The following TMEM87B variants were observed in gnomAD, a reference collection of about 807,000 sequenced individuals.
TMEM87B encodes transmembrane protein 87B.
Under a neutral mutation model 80.3 loss-of-function variants are expected in TMEM87B, and 83 were observed. The observed-to-expected ratio is 1.03, with a 90% CI of 0.87 to 1.24. The LOEUF (loss-of-function observed/expected upper bound fraction) is 1.24. TMEM87B is among the 50% of genes most tolerant of loss of function. TMEM87B has a pLI of 0.00. For missense variants in TMEM87B, 625 were observed against 674.4 expected, an observed-to-expected ratio of 0.93 and a Z score of 0.81; for synonymous variants, 219 against 230.5, an observed-to-expected ratio of 0.95 and a Z score of 0.45.
At chr2:112,095,605 G>T in intron 11 of TMEM87B, 3 of 456,160 alleles carry the variant, frequency 6.6e-6, no homozygotes, top group Non-Finnish European at 8.7e-6. Context: ...CATTTTTAAA[G>T]TTCTCATAGT....
At chr2:112,063,656 A>T (rs1374496070) in intron 2 of TMEM87B, among the ~76,000 whole-genome samples, 1 of 152,124 alleles carries the variant, frequency 6.6e-6, no homozygotes, top group Non-Finnish European at 1.5e-5. Context: ...CCCATTCTTC[A>T]TGCTCTCCTG....
At chr2:112,091,868 T>A (rs1406749308) in intron 11 of TMEM87B, 85 bp downstream of exon 11, 25 of 1,098,062 alleles carry the variant, frequency 2.3e-5, no homozygotes, top group Middle Eastern at 2.4e-4. Flanking sequence ...TAGAAAGAAA[T>A]ACAGTTATGC....
intron 4 of TMEM87B, among the ~76,000 whole-genome samples, chr2:112,074,502 T>C (rs1461733825): frequency 6.6e-6 from 1 of 152,180 alleles, no homozygotes; most frequent in Non-Finnish European, 1.5e-5. Flanking sequence ...ACATTTTTCT[T>C]CATTTTGACC....
intron 17 of TMEM87B, among the ~76,000 whole-genome samples, chr2:112,109,225 C>T (rs1474031837): frequency 1.3e-5 from 2 of 152,100 alleles, no homozygotes; most frequent in Non-Finnish European, 2.9e-5. Flanking sequence ...CACTGTTATA[C>T]TTTTTTATTT....
In TMEM87B at chr2:112,118,231, C is replaced by T. The variant is rs549369798; in HGVS notation, c.*2088C>T. On this transcript the variant is annotated 3_prime_UTR_variant, in exon 19 of 19. Coordinates refer to ENST00000283206, the MANE Select transcript of TMEM87B (RefSeq NM_032824.3). ...TTTCTATGAAGGGTCTTCTTAGGCC[C>T]CTTACATACGCAAGAGGGGTGCTCT... 1 of 152,148 alleles carries T rather than the reference C, an allele frequency of 6.6e-6. No individual in the cohort carries two copies. Among genetic ancestry groups the T allele is most frequent in the Admixed American group, 6.5e-5 (1 of 15,274 alleles). The allele number at this position is 152,148 out of a possible 1,614,324, so 9.4% of individuals were successfully genotyped here.
intron 14 of TMEM87B, among the ~76,000 whole-genome samples, chr2:112,100,015 C>T (rs1171340790): frequency 6.6e-6 from 1 of 152,002 alleles, no homozygotes; most frequent in African/African-American, 2.4e-5. Flanking sequence ...TAAGCAGTCC[C>T]TGGTTATTAG....
chr2:112,097,199 T>C, intron 12 of TMEM87B, 34 bp from the exon 13 acceptor site: 1 of 1,603,840 alleles, frequency 6.2e-7, no homozygotes, highest in Middle Eastern at 1.7e-4. Flanking sequence ...AGTATTGTTA[T>C]ATTCCTTCAA....
rs1410397242 is a variant in TMEM87B at position 112,059,957 on chromosome 2, GTGTT to G, written c.166-14_166-11del. 7 of 1,593,300 alleles carry G rather than the reference GTGTT, an allele frequency of 4.4e-6. No individual in the cohort carries two copies. The highest frequency in any genetic ancestry group is 1.7e-4 in the Middle Eastern group (1 of 5,940). On this transcript the variant is annotated splice_polypyrimidine_tract_variant and intron_variant, in intron 1 of 18. Transcript: ENST00000283206. ...AAAAACTTTCTAACAAGATCTTCCT[GTGTT>G]TGTTTTTCATTTTAGAAATCAGGAC...
Position 112,077,236 on chromosome 2 carries a change from T to A in TMEM87B, c.546T>A (p.Ile182=). 1 of 1,599,092 alleles carries A rather than the reference T, an allele frequency of 6.3e-7. No homozygotes were observed. Among genetic ancestry groups the A allele is most frequent in the African/African-American group, 1.3e-5 (1 of 74,716 alleles). The change falls in exon 6 of 19, where the codon ATT becomes ATA. Residue 182 remains isoleucine, a synonymous_variant. Transcript: ENST00000283206. ...RTQKDGFHIF[I]VSIKTENTDA... ...AAAAAGATGGGTTTCATATCTTTAT[T>A]GTTTCTATTAAAACGGAGAATACAG... is the stretch of plus-strand genomic sequence containing the variant.
intron 4 of TMEM87B, among the ~76,000 whole-genome samples, chr2:112,070,692 T>A (rs1678596226): frequency 6.6e-6 from 1 of 152,160 alleles, no homozygotes; most frequent in Non-Finnish European, 1.5e-5. Flanking sequence ...TTTAAAATAG[T>A]TTTTTCTAGT....
intron 11 of TMEM87B, among the ~76,000 whole-genome samples, chr2:112,094,996 T>G (rs1183343809): frequency 1.3e-5 from 2 of 151,742 alleles, no homozygotes; most frequent in Non-Finnish European, 2.9e-5. Flanking sequence ...CTTCCTTTGA[T>G]TTTGATGAAC....
intron 10 of TMEM87B, among the ~76,000 whole-genome samples, chr2:112,091,468 G>A (rs1365668714): frequency 6.6e-6 from 1 of 152,150 alleles, no homozygotes; most frequent in Non-Finnish European, 1.5e-5. Context: ...GGGACACGAT[G>A]CTTTTTATTT....
At chr2:112,097,487 G>T (rs1158747086) in intron 13 of TMEM87B, among the ~76,000 whole-genome samples, 196 bp downstream of exon 13, 1 of 152,060 alleles carries the variant, frequency 6.6e-6, no homozygotes, top group African/African-American at 2.4e-5. Flanking sequence ...AGCACTCTGG[G>T]AGGCCGAGGC....
chr2:112,077,526 G>T (rs892848439), intron 6 of TMEM87B, among the ~76,000 whole-genome samples: 1 of 152,006 alleles, frequency 6.6e-6, no homozygotes, highest in African/African-American at 2.4e-5. Flanking sequence ...ACTTCATAGT[G>T]GGATATAAAA....
chr2:112,116,193 C>T lies in TMEM87B; in HGVS notation c.*50C>T, dbSNP rs868717681. On this transcript the variant is annotated 3_prime_UTR_variant, in exon 19 of 19. Transcript: ENST00000283206. ...TTAAGCCTGAAGGACTATCCTTCAT[C>T]AAGACTGAAAGTGAGCTTTGATTTG... is the stretch of plus-strand genomic sequence containing the variant. 6.7e-7 allele frequency: 1 copy of T among 1,487,702 alleles called. No homozygotes were observed. Among genetic ancestry groups the T allele is most frequent in the Non-Finnish European group, 9.3e-7 (1 of 1,080,426 alleles). 92.2% of individuals were successfully genotyped at this position (1,487,702 alleles called of 1,614,324 possible). A position where few individuals can be genotyped will look rare whatever the true frequency, so the allele number is the denominator to read the frequency against.
chr2:112,077,655 G>A (rs749264404), intron 6 of TMEM87B, among the ~76,000 whole-genome samples: 37 of 152,090 alleles, frequency 2.4e-4, no homozygotes, highest in Non-Finnish European at 4.6e-4. Flanking sequence ...CCATCATCAG[G>A]GATTTAAGAT....
chr2:112,060,931 A>T (rs113763594), intron 2 of TMEM87B, among the ~76,000 whole-genome samples: 5,564 of 152,284 alleles, frequency 0.037, 134 homozygotes, highest in Non-Finnish European at 0.054. Flanking sequence ...AACAAAAAAA[A>T]TTTGTTTTTT....
chr2:112,078,392 G>A (rs781525221), intron 6 of TMEM87B, among the ~76,000 whole-genome samples: 11 of 152,170 alleles, frequency 7.2e-5, no homozygotes, highest in Non-Finnish European at 1.3e-4. Context: ...AAGGATAGAA[G>A]GGCAGGAAGC....
rs61341379 is a variant in TMEM87B, at chr2:112,079,926, C to CTTTTT, written c.593-1114_593-1110dup. Among the ~76,000 whole-genome samples the CTTTTT allele has an allele frequency of 4.3e-4, 36 of 84,028 alleles. 3 individuals carry two copies. The highest frequency in any genetic ancestry group is 4.9e-4 in the African/African-American group (10 of 20,362). The allele number at this position is 84,028 out of a possible 152,430, so 55.1% of individuals were successfully genotyped here. ...TTTGAGAAACATCTAGGTCCCTTGC[C>CTTTTT]TTTTTTTTTTTTTTTTTTTTTGAGA... On this transcript the variant is annotated intron_variant, in intron 6 of 18. Transcript: ENST00000283206.
Sources: allele counts gnomAD v4.1 joint callset (sites outside exome capture counted in the v4.1 genomes callset), GRCh38; gene constraint gnomAD v4.1.1; transcripts MANE v1.5; gene names NCBI Gene and HGNC (gene_info 2026-07-23, HGNC 2026-07-21).